Variants in MAF observed in about 807,000 individuals in gnomAD.
The protein encoded by MAF is MAF bZIP transcription factor, also known as transcription factor Maf.
A neutral mutation model predicts 22.0 loss-of-function variants in MAF; 10 were observed. The observed-to-expected ratio is 0.45, with a 90% CI of 0.28 to 0.77. The LOEUF is 0.77. Among genes scored for constraint, MAF ranks in the 30% least tolerant of loss-of-function variants. MAF has a pLI of 0.12. For synonymous variants in MAF, 337 were observed against 255.8 expected (o/e 1.32, Z -3.03); for missense variants, 544 against 548.4 (o/e 0.99, Z 0.08).
chr16:79,292,133 G>A, the MAF span, among the ~76,000 whole-genome samples: 2 of 152,094 alleles, frequency 1.3e-5, no homozygotes, highest in African/African-American at 4.8e-5. Flanking sequence ...ATTGTGGGTT[G>A]AATCGCATCT....
At chr16:79,244,200 C>T in the MAF span, among the ~76,000 whole-genome samples, 151 of 152,002 alleles carry the variant, frequency 9.9e-4, 1 homozygote, top group Middle Eastern at 3.4e-3. Context: ...AACACAGTAT[C>T]GGAAGTTCTG....
At chr16:79,451,473 C>T in the MAF span, among the ~76,000 whole-genome samples, 2,149 of 152,238 alleles carry the variant, frequency 0.014, 49 homozygotes, top group African/African-American at 0.049. Context: ...AAGAGGAAGT[C>T]GTGACTTTGC....
At chr16:79,592,071 T>C (rs1057396910), downstream of MAF, among the ~76,000 whole-genome samples, 9 of 152,214 alleles carry the variant, frequency 5.9e-5, no homozygotes, top group Admixed American at 5.9e-4. Context: ...TAACAGGGAT[T>C]ATTTCTGGGC....
chr16:79,317,316 A>G, the MAF span, among the ~76,000 whole-genome samples: 1 of 113,084 alleles, frequency 8.8e-6, no homozygotes, highest in Non-Finnish European at 1.7e-5. Context: ...TTCATCTCTC[A>G]TTCTTTTGTT....
chr16:79,475,479 C>G, the MAF span, among the ~76,000 whole-genome samples: 2 of 151,828 alleles, frequency 1.3e-5, no homozygotes, highest in African/African-American at 2.4e-5. Context: ...TCCATGTACA[C>G]TTTATATATT....
chr16:79,525,906 T>C, the MAF span, among the ~76,000 whole-genome samples: 2 of 152,194 alleles, frequency 1.3e-5, no homozygotes, highest in Non-Finnish European at 2.9e-5. Context: ...CCCTGCTCTA[T>C]AAGTCAAAGC....
At chr16:79,389,263 A>G in the MAF span, among the ~76,000 whole-genome samples, 2 of 152,028 alleles carry the variant, frequency 1.3e-5, no homozygotes, top group African/African-American at 2.4e-5. Flanking sequence ...TTATTTATTT[A>G]TTTATTAATT....
the MAF span, among the ~76,000 whole-genome samples, chr16:79,466,167 G>T: frequency 6.6e-6 from 1 of 152,148 alleles, no homozygotes; most frequent in Admixed American, 6.5e-5. Flanking sequence ...GAAACACAGG[G>T]TTACTTTCCC....
chr16:79,511,872 ATT>A, the MAF span, among the ~76,000 whole-genome samples: 1 of 152,174 alleles, frequency 6.6e-6, no homozygotes, highest in African/African-American at 2.4e-5. Context: ...AATTCTACAT[ATT>A]TACCTCTGCT....
the MAF span, among the ~76,000 whole-genome samples, chr16:79,249,251 C>T: frequency 2.0e-5 from 3 of 152,104 alleles, no homozygotes; most frequent in Non-Finnish European, 2.9e-5. Context: ...GAAACCCCAT[C>T]TCTACTAAAA....
the MAF span, among the ~76,000 whole-genome samples, chr16:79,578,275 T>C: frequency 6.6e-6 from 1 of 152,128 alleles, no homozygotes; most frequent in South Asian, 2.1e-4. Context: ...TTTATTGGTA[T>C]GCTTTGGGGT....
chr16:79,211,241 G>GAGA, the MAF span, among the ~76,000 whole-genome samples: 1 of 152,132 alleles, frequency 6.6e-6, no homozygotes, highest in African/African-American at 2.4e-5. Flanking sequence ...ATTATACATG[G>GAGA]AGAAGTTGAG....
the MAF span, among the ~76,000 whole-genome samples, chr16:79,332,266 CT>C: frequency 1.3e-5 from 2 of 152,148 alleles, no homozygotes; most frequent in African/African-American, 4.8e-5. Context: ...GCTACTGCCC[CT>C]AGGTAAGATT....
At chr16:79,499,501 A>C in the MAF span, among the ~76,000 whole-genome samples, 2 of 152,218 alleles carry the variant, frequency 1.3e-5, no homozygotes, top group African/African-American at 4.8e-5. Context: ...CATATGTTGA[A>C]ATCCAATCAT....
At chr16:79,578,996 C>T in the MAF span, among the ~76,000 whole-genome samples, 1 of 152,088 alleles carries the variant, frequency 6.6e-6, no homozygotes, top group Non-Finnish European at 1.5e-5. Context: ...AAAGACATGG[C>T]TTTATATTTT....
At chr16:79,366,959 C>T in the MAF span, among the ~76,000 whole-genome samples, 14 of 152,172 alleles carry the variant, frequency 9.2e-5, no homozygotes, top group Non-Finnish European at 1.6e-4. Context: ...GCAAGTGCCC[C>T]ATCTGTAAAT....
chr16:79,429,450 C>A, the MAF span, among the ~76,000 whole-genome samples: 1 of 152,164 alleles, frequency 6.6e-6, no homozygotes, highest in Admixed American at 6.5e-5. Flanking sequence ...CTCTGAGGAG[C>A]GCCGTGCCTC....
the MAF span, among the ~76,000 whole-genome samples, chr16:79,298,568 C>T: frequency 6.6e-6 from 1 of 152,132 alleles, no homozygotes; most frequent in East Asian, 1.9e-4. Flanking sequence ...CTCTTCCAGC[C>T]AGGTTAAGAA....
At chr16:79,262,225 A>T in the MAF span, among the ~76,000 whole-genome samples, 1 of 152,124 alleles carries the variant, frequency 6.6e-6, no homozygotes, top group African/African-American at 2.4e-5. Flanking sequence ...TGGGGGACTG[A>T]GCTCCTTAGT....
Sources: gnomAD v4.1 joint callset for allele counts (sites outside exome capture counted in the v4.1 genomes callset) on GRCh38, gnomAD v4.1.1 for gene constraint, MANE v1.5 for transcripts, NCBI Gene and HGNC (gene_info 2026-07-23, HGNC 2026-07-21) for gene names.